The following TATDN1 variants were observed in gnomAD, a reference collection of about 807,000 sequenced individuals.
The protein encoded by TATDN1 is TatD DNase domain containing 1.
Under a neutral mutation model 46.4 loss-of-function variants are expected in TATDN1, and 40 were observed. The observed-to-expected ratio is 0.86, with a 90% CI of 0.67 to 1.12. The LOEUF is 1.12. TATDN1 is among the 50% of genes most tolerant of loss of function. The probability of loss-of-function intolerance (pLI) is 0.00; values close to 1 mark genes in which losing one functional copy is unlikely to be tolerated. For synonymous variants in TATDN1, 95 were observed against 105.6 expected, an observed-to-expected ratio of 0.90 and a Z score of 0.62; for missense variants, 326 against 348.4, an observed-to-expected ratio of 0.94 and a Z score of 0.51.
intron 9 of TATDN1, among the ~76,000 whole-genome samples, chr8:124,503,028 A>G (rs1818110220): frequency 6.6e-6 from 1 of 152,186 alleles, no homozygotes; most frequent in South Asian, 2.1e-4. Flanking sequence ...AAAAAACAAA[A>G]AACTTGAAAC....
intron 9 of TATDN1, among the ~76,000 whole-genome samples, chr8:124,499,862 T>C (rs1347839960): frequency 6.8e-6 from 1 of 147,782 alleles, no homozygotes; most frequent in Admixed American, 6.8e-5. Context: ...CTTTTTTTTT[T>C]TGAGACACAG....
At chr8:124,502,210 G>A (rs1474621882) in intron 9 of TATDN1, among the ~76,000 whole-genome samples, 2 of 151,728 alleles carry the variant, frequency 1.3e-5, no homozygotes, top group Admixed American at 6.6e-5. Context: ...GTGTAGTGGC[G>A]GGCACCTGTA....
In TATDN1 at chr8:124,515,968, G is replaced by C; in HGVS notation, c.265C>G (p.Pro89Ala). Residue 89 changes from proline to alanine, a missense_variant, in exon 5 of 12, where the codon CCT (proline) becomes GCT (alanine). Coordinates refer to ENST00000276692, the MANE Select transcript of TATDN1 (RefSeq NM_032026.4). Reference sequence around the variant, plus strand: ...AGCAACTCCTTTAAGTAAAGATCAGGGTTATTCTTTTCAAATTCACCACAT... The same window carrying C: ...AGCAACTCCTTTAAGTAAAGATCAGCGTTATTCTTTTCAAATTCACCACAT... ...TRCGEFEKNN[P>A]DLYLKELLNL... The C allele has an allele frequency of 6.2e-7, 1 of 1,613,628 alleles. No homozygotes were observed. Among genetic ancestry groups the C allele is most frequent in the South Asian group, 1.1e-5 (1 of 91,010 alleles).
At chr8:124,516,964 A>G (rs1237190811) in intron 4 of TATDN1, among the ~76,000 whole-genome samples, 2 of 152,226 alleles carry the variant, frequency 1.3e-5, no homozygotes, top group Non-Finnish European at 2.9e-5. Flanking sequence ...AGGAAGCAGC[A>G]CTTTTAAAGC....
At chr8:124,529,279 AAT>A (rs1364275108) in intron 1 of TATDN1, among the ~76,000 whole-genome samples, 13 of 152,322 alleles carry the variant, frequency 8.5e-5, no homozygotes, top group Admixed American at 8.5e-4. Flanking sequence ...CAATGTGACT[AAT>A]AGTGGCAAAG....
At chr8:124,533,208 C>T (rs1165400502) in intron 1 of TATDN1, among the ~76,000 whole-genome samples, 7 of 150,966 alleles carry the variant, frequency 4.6e-5, no homozygotes, top group East Asian at 2.0e-4. Flanking sequence ...GCCAAGATGG[C>T]GCCACTGCAC....
chr8:124,527,546 G>A (rs1820602540), intron 1 of TATDN1, among the ~76,000 whole-genome samples: 1 of 152,154 alleles, frequency 6.6e-6, no homozygotes, highest in African/African-American at 2.4e-5. Context: ...ATCGGTTAGT[G>A]AGGAAGGGGG....
At position 124,532,299 on chromosome 8, in the gene TATDN1, T is replaced by TC. The variant is rs559789168; in HGVS notation, c.22+6725dup. On this transcript the variant is annotated intron_variant, in intron 1 of 11. Coordinates refer to ENST00000276692, the MANE Select transcript of TATDN1 (RefSeq NM_032026.4). ...AAAACAGTCTTTGTTTTTGTTTTTT[T>TC]CTGAGACAGAGTCTCACTCTGTCGC... Among the ~76,000 whole-genome samples the TC allele has an allele frequency of 1.1e-4, 17 of 152,346 alleles. 1 individual carries two copies. The East Asian group carries it at 3.3e-3, about 29-fold the overall frequency.
chr8:124,504,229 G>T, intron 9 of TATDN1, 42 bp downstream of exon 9: 1 of 1,391,728 alleles, frequency 7.2e-7, no homozygotes, highest in Non-Finnish European at 1.0e-6. Context: ...TAAGAAATCT[G>T]CTTAAATAAA....
chr8:124,497,692 T>G (rs1817600260), intron 9 of TATDN1, among the ~76,000 whole-genome samples: 1 of 152,204 alleles, frequency 6.6e-6, no homozygotes, highest in Admixed American at 6.5e-5. Context: ...GGTGGTGTGA[T>G]CTTTCATCCA....
At chr8:124,523,891 C>G (rs1820264666) in intron 1 of TATDN1, among the ~76,000 whole-genome samples, 1 of 152,212 alleles carries the variant, frequency 6.6e-6, no homozygotes, top group Middle Eastern at 3.4e-3. Flanking sequence ...CAACAGAAAG[C>G]TCTGTTCTGC....
chr8:124,531,403 A>C (rs1820943485), intron 1 of TATDN1, among the ~76,000 whole-genome samples: 1 of 152,306 alleles, frequency 6.6e-6, no homozygotes, highest in African/African-American at 2.4e-5. Flanking sequence ...AGACTGTTCA[A>C]CTAGCCCAGA....
intron 9 of TATDN1, among the ~76,000 whole-genome samples, chr8:124,496,490 T>G (rs1264765795): frequency 6.6e-6 from 1 of 152,216 alleles, no homozygotes. Flanking sequence ...GGTCCGCCTA[T>G]TCATCCCTCC....
chr8:124,499,970 G>T (rs377552051), intron 9 of TATDN1, among the ~76,000 whole-genome samples: 1 of 151,682 alleles, frequency 6.6e-6, no homozygotes, highest in Non-Finnish European at 1.5e-5. Context: ...TCAGCCTCCC[G>T]AGTAGCTGGG....
At chr8:124,507,995 A>C (rs1818657991) in intron 8 of TATDN1, among the ~76,000 whole-genome samples, 1 of 152,162 alleles carries the variant, frequency 6.6e-6, no homozygotes, top group African/African-American at 2.4e-5. Flanking sequence ...AATTCTATTG[A>C]ATTCTATCTA....
chr8:124,507,492 A>C (rs770335134), intron 8 of TATDN1, among the ~76,000 whole-genome samples: 1 of 152,216 alleles, frequency 6.6e-6, no homozygotes, highest in African/African-American at 2.4e-5. Flanking sequence ...GGATGTGTAG[A>C]ATTCAAGGGC....
intron 9 of TATDN1, among the ~76,000 whole-genome samples, chr8:124,499,465 C>G (rs1296931376): frequency 6.6e-6 from 1 of 152,102 alleles, no homozygotes; most frequent in East Asian, 1.9e-4. Flanking sequence ...TAAATACAAG[C>G]CAGTATTTCT....
chr8:124,530,103 TAAAA>T (rs199902949), intron 1 of TATDN1, among the ~76,000 whole-genome samples: 2 of 150,394 alleles, frequency 1.3e-5, no homozygotes, highest in East Asian at 4.0e-4. Context: ...AAAAAAACCA[TAAAA>T]AACCCAAAGA....
rs540526565 is a variant in TATDN1, at chr8:124,495,463, C to A, written c.664+9G>T. The A allele has an allele frequency of 1.3e-6, 2 of 1,597,516 alleles. No individual in the cohort carries two copies. The highest frequency in any genetic ancestry group is 1.8e-5 in the Admixed American group (1 of 55,964). On this transcript the variant is annotated intron_variant, in intron 10 of 11. Coordinates refer to ENST00000276692, the MANE Select transcript of TATDN1 (RefSeq NM_032026.4). ...TTAATATGAAACAAAGTTCTGAAAA[C>A]AAACTTACCTGTCTCAATCATTAAT...
Sources: allele counts gnomAD v4.1 joint callset (sites outside exome capture counted in the v4.1 genomes callset), GRCh38; gene constraint gnomAD v4.1.1; transcripts MANE v1.5; gene names NCBI Gene and HGNC (gene_info 2026-07-23, HGNC 2026-07-21).